ZPBP: variants seen among roughly 807,000 people sequenced by gnomAD.
ZPBP encodes zona pellucida-binding protein 1.
ZPBP carries 26 observed loss-of-function variants against 44.8 expected under a neutral mutation model. That is an observed-to-expected ratio of 0.58 (90% CI 0.43 to 0.81). The LOEUF (loss-of-function observed/expected upper bound fraction) is 0.81. Among genes scored for constraint, ZPBP ranks in the 30% least tolerant of loss-of-function variants. ZPBP has a pLI of 0.00. For synonymous variants in ZPBP, 174 were observed against 153.2 expected (o/e 1.14, Z -1.00); for missense variants, 409 against 434.0 (o/e 0.94, Z 0.51).
intron 3 of ZPBP, among the ~76,000 whole-genome samples, chr7:50,076,015 G>T (rs1802059534): frequency 6.6e-6 from 1 of 151,848 alleles, no homozygotes; most frequent in South Asian, 2.1e-4. Context: ...CAAAATACTA[G>T]CAAACTGAAT....
intron 5 of ZPBP, among the ~76,000 whole-genome samples, chr7:50,019,792 C>G (rs1191538041): frequency 2.0e-5 from 3 of 151,984 alleles, no homozygotes; most frequent in African/African-American, 7.2e-5. Context: ...CAAAATCCAA[C>G]CTAGTGATTT....
intron 3 of ZPBP, among the ~76,000 whole-genome samples, chr7:50,081,214 A>G (rs1206422590): frequency 1.3e-5 from 2 of 151,802 alleles, no homozygotes; most frequent in African/African-American, 4.8e-5. Flanking sequence ...TTTTAAAAAG[A>G]AAGGAAAGAA....
chr7:49,861,946 T>C (rs1395086795), intron 2 of ZPBP, among the ~76,000 whole-genome samples: 1 of 152,220 alleles, frequency 6.6e-6, no homozygotes, highest in Non-Finnish European at 1.5e-5. Flanking sequence ...TTAAAGATTA[T>C]TATGGTTATC....
At position 49,954,136 on chromosome 7, in the gene ZPBP, C is replaced by T. The variant is rs567664438; in HGVS notation, c.962-16514G>A. ...TATAGCCCAATGGAACAGAAATAAG[C>T]GCATATATCCATGACCAGCTCATTA... On this transcript the variant is annotated intron_variant, in intron 7 of 7. Coordinates refer to ENST00000046087, the MANE Select transcript of ZPBP (RefSeq NM_007009.3). Among the ~76,000 whole-genome samples, 4 of 152,148 alleles carry T rather than the reference C, an allele frequency of 2.6e-5. No homozygotes were observed. The East Asian group carries it at 7.7e-4, about 29-fold the overall frequency.
intron 7 of ZPBP, among the ~76,000 whole-genome samples, chr7:49,967,312 A>G (rs1796102047): frequency 6.6e-6 from 1 of 152,186 alleles, no homozygotes; most frequent in Non-Finnish European, 1.5e-5. Flanking sequence ...AAGAATATCA[A>G]TCTTATGCAT....
intron 3 of ZPBP, among the ~76,000 whole-genome samples, chr7:50,071,158 C>A (rs1175343726): frequency 1.3e-5 from 2 of 152,154 alleles, no homozygotes; most frequent in Admixed American, 1.3e-4. Context: ...CAACCCCATG[C>A]CCCACAGTGG....
At chr7:49,844,579 T>C in the ZPBP span, among the ~76,000 whole-genome samples, 657 of 152,320 alleles carry the variant, frequency 4.3e-3, 1 homozygote, top group African/African-American at 0.014. Context: ...CCTAGAAAGG[T>C]AATGCAGCAT....
intron 4 of ZPBP, among the ~76,000 whole-genome samples, chr7:50,054,246 T>C (rs1800823967): frequency 6.8e-6 from 1 of 147,732 alleles, no homozygotes; most frequent in South Asian, 2.2e-4. Context: ...AGAATTAAAA[T>C]TGATAGCTCT....
intron 5 of ZPBP, among the ~76,000 whole-genome samples, chr7:50,028,982 G>A (rs1799466839): frequency 6.6e-6 from 1 of 152,080 alleles, no homozygotes; most frequent in Non-Finnish European, 1.5e-5. Context: ...GTCAGAAACG[G>A]AAGAGATGCT....
intron 2 of ZPBP, among the ~76,000 whole-genome samples, chr7:49,854,892 A>G (rs557416679): frequency 6.6e-6 from 1 of 152,302 alleles, no homozygotes; most frequent in South Asian, 2.1e-4. Flanking sequence ...AGAACTATGA[A>G]GCTCAAAAAG....
At chr7:50,056,746 G>A (rs565043252) in intron 4 of ZPBP, among the ~76,000 whole-genome samples, 4 of 152,204 alleles carry the variant, frequency 2.6e-5, no homozygotes, top group East Asian at 1.9e-4. Flanking sequence ...CATGCATTTC[G>A]AGGAAATCAC....
intron 1 of ZPBP, among the ~76,000 whole-genome samples, chr7:49,925,611 A>G (rs1379020485): frequency 2.6e-5 from 4 of 152,202 alleles, no homozygotes; most frequent in African/African-American, 9.7e-5. Flanking sequence ...CTTTTAAGGT[A>G]CATGTTTTCT....
At chr7:49,976,475 T>C (rs1796522816) in intron 7 of ZPBP, among the ~76,000 whole-genome samples, 1 of 152,194 alleles carries the variant, frequency 6.6e-6, no homozygotes. Flanking sequence ...TGTCATCCTA[T>C]TGCCTTTTGG....
intron 1 of ZPBP, among the ~76,000 whole-genome samples, chr7:49,924,128 A>G (rs1051052940): frequency 2.0e-5 from 3 of 148,524 alleles, no homozygotes; most frequent in African/African-American, 7.6e-5. Flanking sequence ...GTCTCAAATA[A>G]TAATAATAAA....
At chr7:49,841,594 C>T in the ZPBP span, among the ~76,000 whole-genome samples, 10 of 152,192 alleles carry the variant, frequency 6.6e-5, no homozygotes, top group African/African-American at 1.4e-4. Flanking sequence ...ATGCTTTGGA[C>T]GTGGAGCTTT....
At chr7:49,951,710 T>C (rs1795351902) in intron 7 of ZPBP, among the ~76,000 whole-genome samples, 1 of 151,646 alleles carries the variant, frequency 6.6e-6, no homozygotes, top group Admixed American at 6.6e-5. Flanking sequence ...TAAAGTGGAA[T>C]GACCCTGTAA....
chr7:50,042,687 A>G (rs1425727355), intron 4 of ZPBP, among the ~76,000 whole-genome samples: 1 of 152,226 alleles, frequency 6.6e-6, no homozygotes, highest in Non-Finnish European at 1.5e-5. Context: ...ATGGAAAGGA[A>G]AAACTGTTAC....
intron 2 of ZPBP, among the ~76,000 whole-genome samples, chr7:49,891,978 G>A (rs1485404464): frequency 1.3e-5 from 2 of 149,802 alleles, no homozygotes; most frequent in Non-Finnish European, 3.0e-5. Flanking sequence ...ATACAAATAC[G>A]GACCCTATAA....
chr7:49,880,967 T>C (rs1791636768), intron 2 of ZPBP, among the ~76,000 whole-genome samples: 1 of 152,204 alleles, frequency 6.6e-6, no homozygotes, highest in Non-Finnish European at 1.5e-5. Context: ...TGTGCTTTTT[T>C]AAAGAGTAAG....
Sources: gnomAD v4.1 joint callset for allele counts (sites outside exome capture counted in the v4.1 genomes callset) on GRCh38, gnomAD v4.1.1 for gene constraint, MANE v1.5 for transcripts, NCBI Gene and HGNC (gene_info 2026-07-23, HGNC 2026-07-21) for gene names.